Variants in KIRREL3 observed in about 807,000 individuals in gnomAD.
KIRREL3 encodes kin of IRRE-like protein 3.
KIRREL3 carries 36 observed loss-of-function variants against 89.7 expected under a neutral mutation model. The observed-to-expected ratio is 0.40, with a 90% CI of 0.31 to 0.53. The LOEUF (loss-of-function observed/expected upper bound fraction) is 0.53. Ranked by LOEUF, KIRREL3 falls within the 20% of genes least tolerant of loss-of-function variation. The probability of loss-of-function intolerance (pLI) is 0.49; values close to 1 mark genes in which losing one functional copy is unlikely to be tolerated. For missense variants in KIRREL3, 864 were observed against 1,056.6 expected, an observed-to-expected ratio of 0.82 and a Z score of 2.53; for synonymous variants, 445 against 441.4, an observed-to-expected ratio of 1.01 and a Z score of -0.10.
chr11:126,529,652 T>TG (rs11402426), intron 2 of KIRREL3, among the ~76,000 whole-genome samples: 150,366 of 150,366 alleles, frequency 1, 75,183 homozygotes, highest in Non-Finnish European at 1. Flanking sequence ...TCTGTCTGCT[T>TG]GATCCACTTG....
chr11:126,721,999 G>A (rs536178228), intron 1 of KIRREL3, among the ~76,000 whole-genome samples: 1 of 152,212 alleles, frequency 6.6e-6, no homozygotes, highest in Non-Finnish European at 1.5e-5. Context: ...CCTTCCCTGT[G>A]AACAATGTCA....
At chr11:126,452,038 C>T (rs901509931) in intron 7 of KIRREL3, among the ~76,000 whole-genome samples, 1 of 152,140 alleles carries the variant, frequency 6.6e-6, no homozygotes, top group African/African-American at 2.4e-5. Context: ...CTGCCCTTCC[C>T]TCCATTAGCT....
In KIRREL3 at chr11:126,459,204, T is replaced by TG. The variant is rs539557585; in HGVS notation, c.743-2751dup. ...GGCTCAAGGGACCCGCCACAGAACT[T>TG]GGGGGGCTGTTCCAGGAGGCCCTTC... On this transcript the variant is annotated intron_variant, in intron 6 of 16. Transcript: ENST00000525144. This position sits in a 1 kb window ranked among gnomAD's most constrained non-coding sequence, Gnocchi z 4.8. 7.6e-4 allele frequency among the ~76,000 whole-genome samples: 115 copies of TG among 152,228 alleles called. 1 individual carries two copies. The highest frequency in any genetic ancestry group is 1.6e-3 in the Non-Finnish European group (109 of 67,998).
chr11:126,617,911 A>G (rs1271418841), intron 1 of KIRREL3, among the ~76,000 whole-genome samples: 1 of 152,220 alleles, frequency 6.6e-6, no homozygotes, highest in Non-Finnish European at 1.5e-5. Context: ...TAAAAAGCAG[A>G]GTTGGATATG....
Position 126,682,414 on chromosome 11 carries a change from A to G in KIRREL3, c.56-119502T>C, listed in dbSNP as rs989712981. Among the ~76,000 whole-genome samples, 1 of 152,158 alleles carries G rather than the reference A, an allele frequency of 6.6e-6. No individual in the cohort carries two copies. The highest frequency in any genetic ancestry group is 2.4e-5 in the African/African-American group (1 of 41,418). On this transcript the variant is annotated intron_variant, in intron 1 of 16. Coordinates refer to ENST00000525144, the MANE Select transcript of KIRREL3 (RefSeq NM_032531.4). This position sits in a 1 kb window ranked among gnomAD's most constrained non-coding sequence, Gnocchi z 4.8. ...AGTGTTGCTGGGAGGATGAAGTGAG[A>G]TGAATCTGGTGATACTGAGTAGGTG... is the stretch of plus-strand genomic sequence containing the variant.
intron 1 of KIRREL3, among the ~76,000 whole-genome samples, chr11:126,720,298 A>G (rs1948120137): frequency 6.6e-6 from 1 of 152,190 alleles, no homozygotes; most frequent in South Asian, 2.1e-4. Context: ...AGACCTGGTG[A>G]GACTCTGCAG....
In KIRREL3 at chr11:126,643,294, TAAAC is replaced by T. The variant is rs1157825106; in HGVS notation, c.56-80386_56-80383del. ...AGATGCTCAATAAATTAATATTTAT[TAAAC>T]TAATGAATTACAAATAAAGAAAATG... On this transcript the variant is annotated intron_variant, in intron 1 of 16. Coordinates refer to ENST00000525144, the MANE Select transcript of KIRREL3 (RefSeq NM_032531.4). This position sits in a 1 kb window ranked among gnomAD's most constrained non-coding sequence, Gnocchi z 4.5. Among the ~76,000 whole-genome samples, 1 of 152,226 alleles carries T rather than the reference TAAAC, an allele frequency of 6.6e-6. No homozygotes were observed. Among genetic ancestry groups the T allele is most frequent in the Non-Finnish European group, 1.5e-5 (1 of 68,034 alleles).
rs1333190223 is a variant in KIRREL3 at position 126,428,516 on chromosome 11, A to G, written c.1806+663T>C. ...GGAGAGGGACATGTATTGAATATCT[A>G]TAATAGCTATGTGTGTGTGTGCGGG... On this transcript the variant is annotated intron_variant, in intron 15 of 16. Transcript: ENST00000525144. The surrounding 1 kb of genome is among the most constrained non-coding windows in gnomAD (Gnocchi z 6.4). Among the ~76,000 whole-genome samples the G allele has an allele frequency of 6.6e-6, 1 of 151,912 alleles. No individual in the cohort carries two copies. The highest frequency in any genetic ancestry group is 6.6e-5 in the Admixed American group (1 of 15,256).
In KIRREL3 at chr11:126,477,156, C is replaced by T. The variant is rs1485428000; in HGVS notation, c.434-3690G>A. 1.3e-5 allele frequency among the ~76,000 whole-genome samples: 2 copies of T among 152,234 alleles called. No homozygotes were observed. The highest frequency in any genetic ancestry group is 6.5e-5 in the Admixed American group (1 of 15,286). ...GCCTTAGCCGGGGGTGGCTGAGCGA[C>T]ACTCCTGCACCCAGCTGGCTCCTGG... is the stretch of plus-strand genomic sequence containing the variant. On this transcript the variant is annotated intron_variant, in intron 4 of 16. Transcript: ENST00000525144. This position sits in a 1 kb window ranked among gnomAD's most constrained non-coding sequence, Gnocchi z 4.8.
chr11:126,617,209 C>T (rs1943389382), intron 1 of KIRREL3, among the ~76,000 whole-genome samples: 1 of 152,176 alleles, frequency 6.6e-6, no homozygotes, highest in African/African-American at 2.4e-5. Context: ...GAGTTACTTG[C>T]AAGTTGGAAA....
At position 126,639,337 on chromosome 11, in the gene KIRREL3, G is replaced by C. The variant is rs1944383026; in HGVS notation, c.56-76425C>G. Among the ~76,000 whole-genome samples the C allele has an allele frequency of 1.3e-5, 2 of 152,090 alleles. No individual in the cohort carries two copies. The highest frequency in any genetic ancestry group is 4.8e-5 in the African/African-American group (2 of 41,398). On this transcript the variant is annotated intron_variant, in intron 1 of 16. Coordinates refer to ENST00000525144, the MANE Select transcript of KIRREL3 (RefSeq NM_032531.4). This position sits in a 1 kb window ranked among gnomAD's most constrained non-coding sequence, Gnocchi z 4.3. ...ATTTGTATTTCTGTTTGGATTTTTG[G>C]GTCCTTTTCTTTTTGTACCTCTGGG...
At chr11:126,974,481 CACCTAGGCTACATGATATAGCCCGTTACA>C (rs1949514658) in intron 1 of KIRREL3, among the ~76,000 whole-genome samples, 4 of 138,142 alleles carry the variant, frequency 2.9e-5, no homozygotes, top group African/African-American at 1.1e-4. Context: ...GCCCGTTACA[CACCTAGGCTACATGATATAGCCCGTTACA>C]CACCTAGGCT....
At chr11:126,856,619 A>T (rs912295264) in intron 1 of KIRREL3, among the ~76,000 whole-genome samples, 26 of 139,590 alleles carry the variant, frequency 1.9e-4, no homozygotes, top group African/African-American at 5.8e-4. Context: ...ACAGACATAT[A>T]TTTTTTTTTT....
In KIRREL3 at chr11:126,684,478, G is replaced by T. The variant is rs142100162; in HGVS notation, c.56-121566C>A. ...CCTCCACAAAGCCTCAGGGCTCTGAGGGTGTTAGGGAAACCACAGGTGTCC... is the reference window on the plus strand; with the variant it reads ...CCTCCACAAAGCCTCAGGGCTCTGATGGTGTTAGGGAAACCACAGGTGTCC... On this transcript the variant is annotated intron_variant, in intron 1 of 16. Coordinates refer to ENST00000525144, the MANE Select transcript of KIRREL3 (RefSeq NM_032531.4). This position sits in a 1 kb window ranked among gnomAD's most constrained non-coding sequence, Gnocchi z 4.2. Among the ~76,000 whole-genome samples, 1,542 of 152,288 alleles carry T rather than the reference G, an allele frequency of 0.01. 20 individuals are homozygous for T. Among genetic ancestry groups the T allele is most frequent in the African/African-American group, 0.034 (1,413 of 41,574 alleles).
chr11:126,544,444 C>T lies in KIRREL3; in HGVS notation c.134-17757G>A, dbSNP rs1938619110. Among the ~76,000 whole-genome samples the T allele has an allele frequency of 6.6e-6, 1 of 152,188 alleles. No homozygotes were observed. The highest frequency in any genetic ancestry group is 2.4e-5 in the African/African-American group (1 of 41,440). On this transcript the variant is annotated intron_variant, in intron 2 of 16. Transcript: ENST00000525144. This position sits in a 1 kb window ranked among gnomAD's most constrained non-coding sequence, Gnocchi z 5.6. ...GAGGCAGCTGCTTGCAGCCAGTTCT[C>T]TTCTCTTTGTTTTGCAGAGTTGGCT...
At chr11:126,871,868 C>A (rs1475316482) in intron 1 of KIRREL3, among the ~76,000 whole-genome samples, 2 of 152,200 alleles carry the variant, frequency 1.3e-5, no homozygotes, top group East Asian at 3.8e-4. Context: ...CAAAGAAACC[C>A]CCAGTGCCTG....
intron 2 of KIRREL3, among the ~76,000 whole-genome samples, chr11:126,529,255 G>A (rs1041389289): frequency 6.6e-6 from 1 of 152,192 alleles, no homozygotes; most frequent in Non-Finnish European, 1.5e-5. Context: ...GAGCCCCCAG[G>A]GAGAGGAGGG....
intron 1 of KIRREL3, among the ~76,000 whole-genome samples, chr11:126,779,278 C>T (rs981187129): frequency 1.3e-5 from 2 of 152,208 alleles, no homozygotes; most frequent in South Asian, 4.1e-4. Flanking sequence ...GATCTCACCT[C>T]TCCCAGCTCA....
intron 1 of KIRREL3, among the ~76,000 whole-genome samples, chr11:126,633,441 T>C (rs534446297): frequency 9.8e-5 from 15 of 152,294 alleles, no homozygotes; most frequent in Admixed American, 3.3e-4. Context: ...GGATCTGTCA[T>C]GAATGGCTTG....
Sources: gnomAD v4.1 joint callset for allele counts (sites outside exome capture counted in the v4.1 genomes callset) on GRCh38, gnomAD v4.1.1 for gene constraint, Gnocchi (gnomAD v3.1) non-coding constraint, MANE v1.5 for transcripts, NCBI Gene and HGNC (gene_info 2026-07-23, HGNC 2026-07-21) for gene names.